The following SLCO2A1 variants were observed in gnomAD, a reference collection of about 807,000 sequenced individuals.
The protein encoded by SLCO2A1 is matrin F/G 1.
Under a neutral mutation model 71.7 loss-of-function variants are expected in SLCO2A1, and 60 were observed. The ratio of observed to expected loss-of-function variants is 0.84; its 90% confidence interval spans 0.68 to 1.04. SLCO2A1 has a LOEUF of 1.04. Ranked by LOEUF, SLCO2A1 falls within the 50% of genes least tolerant of loss-of-function variation. SLCO2A1 has a pLI of 0.00. For missense variants in SLCO2A1, 745 were observed against 813.4 expected, an observed-to-expected ratio of 0.92 and a Z score of 1.02; for synonymous variants, 308 against 326.7, an observed-to-expected ratio of 0.94 and a Z score of 0.62.
chr3:134,000,014 A>ACAAAC (rs984215648), intron 1 of SLCO2A1, among the ~76,000 whole-genome samples: 1 of 152,230 alleles, frequency 6.6e-6, no homozygotes, highest in Non-Finnish European at 1.5e-5. Flanking sequence ...ACAAAACAAA[A>ACAAAC]CAAAACCCTC....
intron 6 of SLCO2A1, among the ~76,000 whole-genome samples, chr3:133,950,325 T>C (rs886345379): frequency 5.9e-5 from 9 of 152,282 alleles, no homozygotes; most frequent in East Asian, 5.8e-4. Flanking sequence ...TTGTCAAACA[T>C]TGAGCTCTAT....
chr3:133,964,989 G>A (rs185373142), intron 3 of SLCO2A1, among the ~76,000 whole-genome samples: 1 of 152,192 alleles, frequency 6.6e-6, no homozygotes, highest in South Asian at 2.1e-4. Context: ...GAGGGAGCAG[G>A]ATGCAGCTCA....
intron 3 of SLCO2A1, among the ~76,000 whole-genome samples, chr3:133,958,820 G>A (rs1933961408): frequency 6.6e-6 from 1 of 152,188 alleles, no homozygotes; most frequent in South Asian, 2.1e-4. Flanking sequence ...GGTACACTGT[G>A]TATGGAGAAA....
intron 1 of SLCO2A1, among the ~76,000 whole-genome samples, chr3:133,988,656 G>A (rs190989904): frequency 1.4e-4 from 22 of 152,312 alleles, no homozygotes; most frequent in African/African-American, 4.6e-4. Context: ...TGCAGGGAGG[G>A]AGAGTTCGGG....
At chr3:133,985,775 G>A (rs1478780048) in intron 1 of SLCO2A1, among the ~76,000 whole-genome samples, 1 of 152,168 alleles carries the variant, frequency 6.6e-6, no homozygotes, top group African/African-American at 2.4e-5. Flanking sequence ...TGTCTATAAA[G>A]TACTCTAACT....
chr3:133,989,941 G>A (rs1934802324), intron 1 of SLCO2A1, among the ~76,000 whole-genome samples: 1 of 152,250 alleles, frequency 6.6e-6, no homozygotes, highest in Non-Finnish European at 1.5e-5. Flanking sequence ...CTGGGAGCCA[G>A]AGGAGCAGGG....
At chr3:133,960,036 C>T (rs950155212) in intron 3 of SLCO2A1, among the ~76,000 whole-genome samples, 8 of 152,122 alleles carry the variant, frequency 5.3e-5, no homozygotes, top group South Asian at 2.1e-4. Context: ...AGGAGAATGG[C>T]GTGAACCCAG....
intron 1 of SLCO2A1, among the ~76,000 whole-genome samples, chr3:134,024,773 G>C (rs1056136645): frequency 2.0e-5 from 3 of 152,118 alleles, no homozygotes; most frequent in African/African-American, 7.2e-5. Flanking sequence ...GACTACCAAA[G>C]GACATCATTA....
At chr3:133,977,525 C>T (rs1934489662) in intron 2 of SLCO2A1, among the ~76,000 whole-genome samples, 1 of 152,146 alleles carries the variant, frequency 6.6e-6, no homozygotes, top group African/African-American at 2.4e-5. Context: ...GATTTGGCTA[C>T]CACCTGGGCT....
Position 133,979,636 on chromosome 3 carries a change from G to A in SLCO2A1, c.97-18C>T. On this transcript the variant is annotated intron_variant, in intron 1 of 13. Coordinates refer to ENST00000310926, the MANE Select transcript of SLCO2A1 (RefSeq NM_005630.3). ...ACAAACACCTGGGGGAAGAGTGATG[G>A]GCCCGTGAGGTTTCTGGACGACAAG... 4 of 1,586,042 alleles carry A rather than the reference G, an allele frequency of 2.5e-6. No individual in the cohort carries two copies. The South Asian group carries it at 3.5e-5, about 14-fold the overall frequency.
At chr3:133,966,514 C>T (rs575905915) in intron 3 of SLCO2A1, among the ~76,000 whole-genome samples, 1 of 152,326 alleles carries the variant, frequency 6.6e-6, no homozygotes, top group African/African-American at 2.4e-5. Context: ...GGAAGGAGCT[C>T]TCCAGAACAT....
At chr3:133,985,148 T>C (rs1036496973) in intron 1 of SLCO2A1, among the ~76,000 whole-genome samples, 1 of 152,238 alleles carries the variant, frequency 6.6e-6, no homozygotes, top group Admixed American at 6.5e-5. Flanking sequence ...TCCCACAATG[T>C]GTTACCAGAA....
chr3:133,948,442 G>T (rs1459674963), intron 8 of SLCO2A1, 94 bp downstream of exon 8: 5 of 1,336,212 alleles, frequency 3.7e-6, no homozygotes, highest in Non-Finnish European at 5.2e-6. Flanking sequence ...CCTATGTCCG[G>T]TCTGGCCTGC....
rs559510072 is a variant in SLCO2A1 at position 133,948,620 on chromosome 3, C to T, written c.1021G>A (p.Val341Ile). The change falls in exon 8 of 14, where the codon GTC (valine) becomes ATC (isoleucine). Residue 341 changes from valine (V) to isoleucine (I), a missense_variant. Transcript: ENST00000310926. The stretch of plus-strand genomic sequence containing the variant: ...AGGAAGGTGGAGAGGCCAGCAATGA[C>T]GGAGGAGAAGGTGCACTGGGCCAGG... The part of the protein sequence containing the change: ...VVLAQCTFSS[V>I]IAGLSTFLNK... 71 of 1,614,072 alleles carry T rather than the reference C, an allele frequency of 4.4e-5. No individual in the cohort carries two copies. Among genetic ancestry groups the T allele is most frequent in the East Asian group, 1.8e-4 (8 of 44,866 alleles).
At chr3:133,953,875 G>T in intron 4 of SLCO2A1, 114 bp from the exon 5 acceptor site, 1 of 772,944 alleles carries the variant, frequency 1.3e-6, no homozygotes, top group Non-Finnish European at 2.2e-6. Context: ...TCCCAAGCCT[G>T]ATAAGCCCAC....
intron 1 of SLCO2A1, among the ~76,000 whole-genome samples, chr3:133,989,008 G>A (rs1934776256): frequency 6.6e-6 from 1 of 152,218 alleles, no homozygotes; most frequent in East Asian, 1.9e-4. Flanking sequence ...AAGGATCAAA[G>A]GCTACTCTCC....
At chr3:133,936,941 C>A (rs1933284287) in intron 12 of SLCO2A1, among the ~76,000 whole-genome samples, 1 of 152,168 alleles carries the variant, frequency 6.6e-6, no homozygotes. Context: ...TAATTTAAAA[C>A]CTGTAATAGG....
At chr3:133,959,408 A>C (rs1052051936) in intron 3 of SLCO2A1, among the ~76,000 whole-genome samples, 2 of 152,086 alleles carry the variant, frequency 1.3e-5, no homozygotes, top group Non-Finnish European at 2.9e-5. Flanking sequence ...AAAAAAAAAA[A>C]AAACAGAAAA....
intron 3 of SLCO2A1, among the ~76,000 whole-genome samples, chr3:133,955,816 G>A (rs1027168940): frequency 1.7e-4 from 26 of 152,108 alleles, no homozygotes; most frequent in African/African-American, 6.0e-4. Context: ...TTACCGTTCC[G>A]GGGAAGCTCC....
Sources: gnomAD v4.1 joint callset for allele counts (sites outside exome capture counted in the v4.1 genomes callset) on GRCh38, gnomAD v4.1.1 for gene constraint, MANE v1.5 for transcripts, NCBI Gene and HGNC (gene_info 2026-07-23, HGNC 2026-07-21) for gene names.